SLC30A8: variants seen among roughly 807,000 people sequenced by gnomAD.
The protein encoded by SLC30A8 is proton-coupled zinc antiporter SLC30A8.
SLC30A8 carries 27 observed loss-of-function variants against 36.9 expected under a neutral mutation model. The ratio of observed to expected loss-of-function variants is 0.73; its 90% CI spans 0.54 to 1.01. SLC30A8 has a LOEUF of 1.01. Among genes scored for constraint, SLC30A8 ranks in the 50% least tolerant of loss-of-function variants. The pLI is 0.00. For missense variants in SLC30A8, 439 were observed against 452.0 expected, an observed-to-expected ratio of 0.97 and a Z score of 0.26; for synonymous variants, 164 against 172.4, an observed-to-expected ratio of 0.95 and a Z score of 0.38.
At chr8:117,127,434 T>C (rs1586558507) in intron 2 of SLC30A8, among the ~76,000 whole-genome samples, 1 of 151,944 alleles carries the variant, frequency 6.6e-6, no homozygotes, top group East Asian at 1.9e-4. Flanking sequence ...GAGCAACAAA[T>C]ATAATATTGC....
intron 2 of SLC30A8, among the ~76,000 whole-genome samples, chr8:117,095,166 G>A (rs532180641): frequency 1.4e-4 from 21 of 152,244 alleles, no homozygotes; most frequent in Admixed American, 5.9e-4. Context: ...CCCAGCCCCC[G>A]TTGGCTCTGT....
At chr8:117,083,833 A>G (rs1818759901) in intron 2 of SLC30A8, among the ~76,000 whole-genome samples, 1 of 152,138 alleles carries the variant, frequency 6.6e-6, no homozygotes, top group Non-Finnish European at 1.5e-5. Flanking sequence ...ATAATTTGCC[A>G]CTAATGCCTA....
chr8:117,070,635 T>C (rs1818303470), intron 2 of SLC30A8, among the ~76,000 whole-genome samples: 1 of 152,232 alleles, frequency 6.6e-6, no homozygotes, highest in South Asian at 2.1e-4. Flanking sequence ...TTATGTAATA[T>C]GTTATTATTG....
At chr8:117,172,053 G>A (rs1180615541) in intron 7 of SLC30A8, among the ~76,000 whole-genome samples, 1 of 152,054 alleles carries the variant, frequency 6.6e-6, no homozygotes, top group Non-Finnish European at 1.5e-5. Flanking sequence ...CCTGCTGATA[G>A]CATTTGGGAC....
At chr8:117,049,214 C>T (rs536672503) in intron 2 of SLC30A8, among the ~76,000 whole-genome samples, 94 of 152,268 alleles carry the variant, frequency 6.2e-4, no homozygotes, top group Non-Finnish European at 1.2e-3. Context: ...ATTCTGTCTA[C>T]CCTGCATTGG....
intron 1 of SLC30A8, among the ~76,000 whole-genome samples, chr8:116,951,963 T>C (rs764377910): frequency 1.1e-4 from 16 of 152,026 alleles, no homozygotes; most frequent in Non-Finnish European, 2.1e-4. Context: ...GATGCTGTCT[T>C]AGGGGAAAGT....
intron 2 of SLC30A8, among the ~76,000 whole-genome samples, chr8:117,108,642 A>G (rs1352667634): frequency 6.6e-6 from 1 of 152,192 alleles, no homozygotes; most frequent in Non-Finnish European, 1.5e-5. Context: ...CTTCACTCAC[A>G]CGGCTTCTTA....
intron 2 of SLC30A8, among the ~76,000 whole-genome samples, chr8:117,083,039 C>T (rs566962828): frequency 2.4e-4 from 37 of 152,266 alleles, no homozygotes; most frequent in South Asian, 4.1e-4. Context: ...CGAGTAGCTC[C>T]GGAGGGACAT....
At chr8:117,067,287 T>C (rs1364822506) in intron 2 of SLC30A8, among the ~76,000 whole-genome samples, 1 of 151,964 alleles carries the variant, frequency 6.6e-6, no homozygotes, top group African/African-American at 2.4e-5. Context: ...TTGACTCTAC[T>C]GGATTTTAGT....
At chr8:117,006,983 T>TG (rs1337826231) in intron 1 of SLC30A8, 4 of 63,388 alleles carry the variant, frequency 6.3e-5, no homozygotes, top group African/African-American at 1.8e-4. Flanking sequence ...TTTTTTTTTT[T>TG]TCTGTAGAGA....
intron 1 of SLC30A8, among the ~76,000 whole-genome samples, chr8:117,026,611 A>G (rs1337423043): frequency 6.6e-6 from 1 of 152,180 alleles, no homozygotes; most frequent in Non-Finnish European, 1.5e-5. Flanking sequence ...AAAAGCTCTT[A>G]GATGAAGTAT....
chr8:117,161,530 G>C (rs2129662930), intron 4 of SLC30A8, among the ~76,000 whole-genome samples: 1 of 152,258 alleles, frequency 6.6e-6, no homozygotes, highest in South Asian at 2.1e-4. Context: ...AAACTGGATG[G>C]GTCTTTGTGG....
chr8:117,082,802 A>G (rs993421351), intron 2 of SLC30A8, among the ~76,000 whole-genome samples: 1 of 152,166 alleles, frequency 6.6e-6, no homozygotes, highest in Non-Finnish European at 1.5e-5. Context: ...GAGCACCAGA[A>G]GAGAAAAAAA....
At chr8:117,157,641 G>C in intron 3 of SLC30A8, 50 bp from the exon 4 acceptor site, 1 of 1,605,338 alleles carries the variant, frequency 6.2e-7, no homozygotes, top group Non-Finnish European at 8.5e-7. Flanking sequence ...TGTAGGTGTA[G>C]GTGATGGAGT....
intron 1 of SLC30A8, among the ~76,000 whole-genome samples, chr8:117,011,163 A>G (rs1816332442): frequency 6.6e-6 from 1 of 152,214 alleles, no homozygotes; most frequent in African/African-American, 2.4e-5. Flanking sequence ...CAGGAGCAAG[A>G]AAGAGAAGGG....
intron 4 of SLC30A8, among the ~76,000 whole-genome samples, chr8:117,161,196 C>G (rs867507762): frequency 6.6e-6 from 1 of 152,204 alleles, no homozygotes; most frequent in Non-Finnish European, 1.5e-5. Context: ...ACAATATTCT[C>G]ATCATTGGAC....
chr8:117,099,884 G>C (rs968493784), intron 2 of SLC30A8, among the ~76,000 whole-genome samples: 4 of 152,096 alleles, frequency 2.6e-5, no homozygotes, highest in Non-Finnish European at 5.9e-5. Flanking sequence ...ATTTAATCTT[G>C]ACTACAACCC....
chr8:116,976,972 C>G (rs1815052023), intron 1 of SLC30A8, among the ~76,000 whole-genome samples: 1 of 150,066 alleles, frequency 6.7e-6, no homozygotes, highest in Non-Finnish European at 1.5e-5. Context: ...GCATGTGTCA[C>G]CACACCTGGC....
At chr8:116,958,233 T>C (rs1322979689) in intron 1 of SLC30A8, among the ~76,000 whole-genome samples, 1 of 152,192 alleles carries the variant, frequency 6.6e-6, no homozygotes, top group African/African-American at 2.4e-5. Context: ...GAGGTTCCAT[T>C]CTAGGAATGT....
Sources: gnomAD v4.1 joint callset for allele counts (sites outside exome capture counted in the v4.1 genomes callset) on GRCh38, gnomAD v4.1.1 for gene constraint, MANE v1.5 for transcripts, NCBI Gene and HGNC (gene_info 2026-07-23, HGNC 2026-07-21) for gene names.